SGCZ: variants seen among roughly 807,000 people sequenced by gnomAD.
SGCZ encodes the protein sarcoglycan zeta.
Under a neutral mutation model 41.3 loss-of-function variants are expected in SGCZ, and 40 were observed. The observed-to-expected ratio is 0.97, with a 90% CI of 0.75 to 1.26. The LOEUF (loss-of-function observed/expected upper bound fraction) is 1.26, where lower values mean the gene tolerates loss of function less well. Among genes scored for constraint, SGCZ ranks in the 50% most tolerant of loss-of-function variants. SGCZ has a pLI of 0.00. For missense variants in SGCZ, 552 were observed against 369.8 expected (o/e 1.49, Z -4.04); for synonymous variants, 206 against 137.5 (o/e 1.50, Z -3.49).
chr8:14,274,202 T>A (rs1363240667), intron 3 of SGCZ, among the ~76,000 whole-genome samples: 1 of 152,174 alleles, frequency 6.6e-6, no homozygotes, highest in Admixed American at 6.6e-5. Context: ...TGAAGTAAAT[T>A]GTATTGCAAA....
intron 1 of SGCZ, among the ~76,000 whole-genome samples, chr8:14,674,467 G>C (rs1808207188): frequency 6.6e-6 from 1 of 152,124 alleles, no homozygotes; most frequent in Non-Finnish European, 1.5e-5. Context: ...CTGATCTTTA[G>C]TTCCTGATAG....
intron 2 of SGCZ, among the ~76,000 whole-genome samples, chr8:14,403,102 G>C (rs930609796): frequency 5.3e-5 from 8 of 150,004 alleles, no homozygotes; most frequent in African/African-American, 2.0e-4. Context: ...TCTGCTGTTG[G>C]TGTATAAGAA....
At chr8:14,329,094 G>C (rs1248950358) in intron 2 of SGCZ, among the ~76,000 whole-genome samples, 3 of 151,922 alleles carry the variant, frequency 2.0e-5, no homozygotes, top group African/African-American at 4.8e-5. Flanking sequence ...CTAGTCTCCA[G>C]TATTTTGTTA....
intron 7 of SGCZ, among the ~76,000 whole-genome samples, chr8:14,094,601 T>C (rs1801786629): frequency 6.6e-6 from 1 of 152,160 alleles, no homozygotes; most frequent in Admixed American, 6.6e-5. Context: ...AACATACGTG[T>C]GCATGTATCT....
At chr8:14,222,875 G>A (rs1034766306) in intron 4 of SGCZ, among the ~76,000 whole-genome samples, 2 of 118,618 alleles carry the variant, frequency 1.7e-5, no homozygotes, top group Non-Finnish European at 3.2e-5. Flanking sequence ...TGCAGTGGGT[G>A]ATCTCCATTC....
chr8:15,220,627 T>C (rs1421945474), intron 1 of SGCZ, among the ~76,000 whole-genome samples: 1 of 152,142 alleles, frequency 6.6e-6, no homozygotes, highest in African/African-American at 2.4e-5. Context: ...GATCTAGAAC[T>C]GGAAATACCA....
In SGCZ at chr8:14,412,344, T is replaced by C. The variant is rs551078934; in HGVS notation, c.235-88140A>G. 4.4e-4 allele frequency among the ~76,000 whole-genome samples: 67 copies of C among 152,236 alleles called. 2 individuals carry two copies. The South Asian group carries it at 0.014, about 31-fold the overall frequency. On this transcript the variant is annotated intron_variant, in intron 2 of 7. Transcript: ENST00000382080. Reference sequence around the variant, plus strand: ...ATTTAGTAGACTGTGACACATAGTTTGCATCCAATCTACAGCAACTATTAT... The same window carrying C: ...ATTTAGTAGACTGTGACACATAGTTCGCATCCAATCTACAGCAACTATTAT...
At chr8:14,329,198 AG>A (rs1802229667) in intron 2 of SGCZ, among the ~76,000 whole-genome samples, 1 of 152,164 alleles carries the variant, frequency 6.6e-6, no homozygotes, top group African/African-American at 2.4e-5. Context: ...TCAGACATTT[AG>A]GGTTTGAAAC....
intron 1 of SGCZ, among the ~76,000 whole-genome samples, chr8:14,904,339 A>G (rs530758837): frequency 1.1e-4 from 16 of 152,200 alleles, no homozygotes; most frequent in Admixed American, 4.6e-4. Context: ...ATAAATATCA[A>G]TGTAATTCCT....
intron 1 of SGCZ, among the ~76,000 whole-genome samples, chr8:14,881,941 T>G (rs931149973): frequency 1.3e-5 from 2 of 152,070 alleles, no homozygotes; most frequent in African/African-American, 4.8e-5. Context: ...ACCAAAGAAC[T>G]ACATGGAAAT....
intron 4 of SGCZ, among the ~76,000 whole-genome samples, chr8:14,203,816 C>A (rs996322837): frequency 6.6e-6 from 1 of 151,908 alleles, no homozygotes; most frequent in Non-Finnish European, 1.5e-5. Context: ...ACAGTAGGGG[C>A]ATGTAAATCA....
intron 2 of SGCZ, among the ~76,000 whole-genome samples, chr8:14,545,999 G>C (rs1402090334): frequency 6.6e-6 from 1 of 152,088 alleles, no homozygotes; most frequent in Non-Finnish European, 1.5e-5. Context: ...TCTTTATAAA[G>C]TCAAGGAAAG....
In SGCZ at chr8:14,857,460, T is replaced by G. The variant is rs556646285; in HGVS notation, c.40-302534A>C. On this transcript the variant is annotated intron_variant, in intron 1 of 7. Transcript: ENST00000382080. ...TAATGAGCTTACATTGCTTTCACAC[T>G]GCTAAAATTATTTTTACAAGACTAG... 3.3e-5 allele frequency among the ~76,000 whole-genome samples: 5 copies of G among 152,336 alleles called. No individual in the cohort carries two copies. The East Asian group carries it at 7.7e-4, about 24-fold the overall frequency.
chr8:14,833,481 G>A (rs1480394400), intron 1 of SGCZ, among the ~76,000 whole-genome samples: 1 of 152,184 alleles, frequency 6.6e-6, no homozygotes, highest in East Asian at 1.9e-4. Flanking sequence ...CAGGAAGCAT[G>A]AGGTTGAAAT....
chr8:15,034,556 C>G (rs958617211), intron 1 of SGCZ, among the ~76,000 whole-genome samples: 6 of 152,058 alleles, frequency 3.9e-5, no homozygotes, highest in Non-Finnish European at 7.4e-5. Context: ...GAAATAATAG[C>G]AGAAAAACTT....
chr8:15,081,544 G>A lies in SGCZ; in HGVS notation c.39+156041C>T, dbSNP rs545106008. Among the ~76,000 whole-genome samples the A allele has an allele frequency of 2.2e-4, 33 of 149,968 alleles. 1 individual carries two copies. The South Asian group carries it at 6.3e-3, about 29-fold the overall frequency. ...AGCATGAGAAAGATAAAATAAAGAG[G>A]TGAAAAAGAAGGTTTGAAAGAACAG... On this transcript the variant is annotated intron_variant, in intron 1 of 7. Transcript: ENST00000382080.
chr8:14,107,418 A>T (rs1230704859), intron 6 of SGCZ, among the ~76,000 whole-genome samples: 2 of 152,084 alleles, frequency 1.3e-5, no homozygotes, highest in Admixed American at 6.6e-5. Context: ...CTGTCAGGAC[A>T]TAGCTTATTC....
At chr8:15,203,399 G>A (rs927553139) in intron 1 of SGCZ, among the ~76,000 whole-genome samples, 1 of 152,000 alleles carries the variant, frequency 6.6e-6, no homozygotes, top group African/African-American at 2.4e-5. Flanking sequence ...TACAAACCCC[G>A]TGAGGCCACT....
chr8:14,697,194 G>A (rs547349166), intron 1 of SGCZ, among the ~76,000 whole-genome samples: 2 of 152,098 alleles, frequency 1.3e-5, no homozygotes, highest in African/African-American at 4.8e-5. Flanking sequence ...AGTGTGGCCA[G>A]GTCACTATAG....
Sources: gnomAD v4.1 joint callset for allele counts (sites outside exome capture counted in the v4.1 genomes callset) on GRCh38, gnomAD v4.1.1 for gene constraint, MANE v1.5 for transcripts, NCBI Gene and HGNC (gene_info 2026-07-23, HGNC 2026-07-21) for gene names.